PRSS23: variants seen among roughly 807,000 people sequenced by gnomAD.
PRSS23 encodes the protein protease, serine 23.
In PRSS23, 25 loss-of-function variants were observed where a neutral mutation model predicts 34.7. The observed-to-expected ratio is 0.72, with a 90% CI of 0.53 to 1.01. The LOEUF (loss-of-function observed/expected upper bound fraction) is 1.01. Ranked by LOEUF, PRSS23 falls within the 50% of genes least tolerant of loss-of-function variation. PRSS23 has a pLI of 0.00. For missense variants in PRSS23, 445 were observed against 475.6 expected, an observed-to-expected ratio of 0.94 and a Z score of 0.60; for synonymous variants, 176 against 186.6, an observed-to-expected ratio of 0.94 and a Z score of 0.46.
chr11:86,821,574 C>T (rs1948252127), intron 1 of PRSS23: 1 of 1,610,122 alleles, frequency 6.2e-7, no homozygotes. Flanking sequence ...AGTTTGACAA[C>T]AAGTCCGTTT....
At position 86,878,948 on chromosome 11, in the gene PRSS23, G is replaced by T. The variant is rs775793656; in HGVS notation, c.206+55355G>T. Among the ~76,000 whole-genome samples the T allele has an allele frequency of 8.4e-3, 873 of 103,446 alleles. 1 individual carries two copies. The highest frequency in any genetic ancestry group is 0.014 in the Middle Eastern group (2 of 138). The allele number at this position is 103,446 out of a possible 152,430, so 67.9% of individuals were successfully genotyped here. A position where few individuals can be genotyped will look rare whatever the true frequency, so the allele number is the denominator to read the frequency against. ...CGTCTAGGAAGTGAGGAGCGTCTCT[G>T]CCCGGCCGCCATCCCGTCTAGGAAG... On this transcript the variant is annotated intron_variant, in intron 2 of 2. Transcript: ENST00000533902.
chr11:86,842,695 C>T (rs1014105165), intron 2 of PRSS23, among the ~76,000 whole-genome samples: 12 of 152,052 alleles, frequency 7.9e-5, no homozygotes, highest in Non-Finnish European at 1.8e-4. Flanking sequence ...AATAAAATAC[C>T]TGGGAATCCA....
intron 2 of PRSS23, among the ~76,000 whole-genome samples, chr11:86,879,468 C>A (rs1333233992): frequency 1.5e-4 from 23 of 151,310 alleles, no homozygotes; most frequent in African/African-American, 5.1e-4. Context: ...CAGCCCCCGC[C>A]AGGCCAGCCG....
intron 2 of PRSS23, among the ~76,000 whole-genome samples, chr11:86,875,929 T>A (rs1225074119): frequency 6.6e-6 from 1 of 152,210 alleles, no homozygotes; most frequent in Non-Finnish European, 1.5e-5. Context: ...CTTCATTGTA[T>A]CATCTGTGCA....
chr11:86,837,623 T>C (rs193221389), intron 2 of PRSS23: 12 of 152,230 alleles, frequency 7.9e-5, no homozygotes, highest in Non-Finnish European at 1.6e-4. Flanking sequence ...AAATATTAGC[T>C]AAGCATGGCA....
chr11:86,865,617 C>T (rs1948644752), intron 2 of PRSS23, among the ~76,000 whole-genome samples: 1 of 152,176 alleles, frequency 6.6e-6, no homozygotes, highest in African/African-American at 2.4e-5. Flanking sequence ...TAGCTGGGTT[C>T]TGTTTGATCA....
At chr11:86,861,985 AG>A (rs910062454) in intron 2 of PRSS23, among the ~76,000 whole-genome samples, 2 of 151,884 alleles carry the variant, frequency 1.3e-5, no homozygotes, top group African/African-American at 4.8e-5. Flanking sequence ...TGCAATATAC[AG>A]GGGGTGAGAG....
chr11:86,808,498 C>T lies in PRSS23; in HGVS notation c.855C>T (p.Asp285=). The T allele has an allele frequency of 6.2e-7, 1 of 1,614,228 alleles. No individual in the cohort carries two copies. The highest frequency in any genetic ancestry group is 1.1e-5 in the South Asian group (1 of 91,076). ...GRIHFSGYDN[D]RPGNLVYRFC... ...TTCACTTCTCTGGTTATGACAATGA[C>T]CGACCAGGCAATTTGGTGTATCGCT... is the stretch of plus-strand genomic sequence containing the variant. The change falls in exon 2 of 2, where the codon GAC becomes GAT. Residue 285 remains aspartate (D), a synonymous_variant. Coordinates refer to ENST00000280258, the MANE Select transcript of PRSS23 (RefSeq NM_007173.6).
At chr11:86,871,075 C>T (rs1948681585) in intron 2 of PRSS23, among the ~76,000 whole-genome samples, 1 of 151,966 alleles carries the variant, frequency 6.6e-6, no homozygotes, top group African/African-American at 2.4e-5. Flanking sequence ...TACACTGGAC[C>T]AGCTGAATTG....
intron 2 of PRSS23, among the ~76,000 whole-genome samples, chr11:86,831,229 A>T (rs541923791): frequency 1.3e-4 from 20 of 152,136 alleles, no homozygotes; most frequent in African/African-American, 4.8e-4. Flanking sequence ...AGGGAATATT[A>T]CTCCTAATGT....
intron 2 of PRSS23, chr11:86,837,002 A>G (rs1342023177): frequency 1.3e-5 from 2 of 152,190 alleles, no homozygotes; most frequent in Non-Finnish European, 2.9e-5. Flanking sequence ...TAATTCTTTT[A>G]TTGAGTTTTG....
chr11:86,932,248 G>A (rs1272922111), intron 2 of PRSS23, among the ~76,000 whole-genome samples: 1 of 152,184 alleles, frequency 6.6e-6, no homozygotes, highest in Non-Finnish European at 1.5e-5. Flanking sequence ...AGCTGCTTTT[G>A]CCAGAAGTCG....
intron 2 of PRSS23, among the ~76,000 whole-genome samples, chr11:86,831,893 A>G (rs1948359517): frequency 6.6e-6 from 1 of 151,920 alleles, no homozygotes; most frequent in African/African-American, 2.4e-5. Flanking sequence ...ACCTTGTGAT[A>G]TTATTCACAA....
At chr11:86,817,454 C>T (rs1326482759) in intron 1 of PRSS23, among the ~76,000 whole-genome samples, 1 of 152,118 alleles carries the variant, frequency 6.6e-6, no homozygotes. Flanking sequence ...ATTTTTGAGA[C>T]AAAACTCTAT....
intron 2 of PRSS23, among the ~76,000 whole-genome samples, chr11:86,931,297 C>G (rs1565390113): frequency 1.3e-5 from 2 of 152,116 alleles, no homozygotes; most frequent in East Asian, 3.9e-4. Context: ...TTTGTTATAG[C>G]AGTTGTATTC....
chr11:86,951,126 T>G, intron 2 of PRSS23: 1 of 1,613,042 alleles, frequency 6.2e-7, no homozygotes, highest in Non-Finnish European at 8.5e-7. Context: ...GAAGAAAGCA[T>G]GGAGGCTGAC....
chr11:86,935,020 T>C (rs1476269907), intron 2 of PRSS23: 1 of 152,230 alleles, frequency 6.6e-6, no homozygotes, highest in Non-Finnish European at 1.5e-5. Context: ...ACATTTCCTA[T>C]ATAATCTGAT....
intron 2 of PRSS23, among the ~76,000 whole-genome samples, chr11:86,916,339 G>A (rs1185650761): frequency 1.3e-5 from 2 of 152,120 alleles, no homozygotes; most frequent in African/African-American, 4.8e-5. Flanking sequence ...AATAGTGAAT[G>A]TTTTCATGTC....
In PRSS23 at chr11:86,838,465, C is replaced by G. The variant is rs528501475; in HGVS notation, c.206+14872C>G. ...TAGCTCACAGTGTAAACAAAGCTGC[C>G]AGGAAGCTCAAACTGGCTGGAACCC... On this transcript the variant is annotated intron_variant, in intron 2 of 2. Coordinates refer to the PRSS23 transcript ENST00000533902. Among the ~76,000 whole-genome samples the G allele has an allele frequency of 1.3e-3, 201 of 152,274 alleles. 1 individual carries two copies. Among genetic ancestry groups the G allele is most frequent in the African/African-American group, 4.6e-3 (191 of 41,568 alleles).
Sources: allele counts gnomAD v4.1 joint callset (sites outside exome capture counted in the v4.1 genomes callset), GRCh38; gene constraint gnomAD v4.1.1; transcripts MANE v1.5; gene names NCBI Gene and HGNC (gene_info 2026-07-23, HGNC 2026-07-21).